Variants in AUH observed in about 807,000 individuals in gnomAD.
AUH encodes the protein AU RNA binding methylglutaconyl-CoA hydratase, also known as methylglutaconyl-CoA hydratase, mitochondrial.
AUH carries 29 observed loss-of-function variants against 42.3 expected under a neutral mutation model. The ratio of observed to expected loss-of-function variants is 0.69; its 90% CI spans 0.51 to 0.93. The LOEUF is 0.93. Among genes scored for constraint, AUH ranks in the 40% least tolerant of loss-of-function variants. AUH has a pLI of 0.00. For missense variants in AUH, 452 were observed against 438.1 expected (o/e 1.03, Z -0.28); for synonymous variants, 174 against 166.4 (o/e 1.05, Z -0.35).
chr9:91,335,657 A>G (rs559667702), intron 3 of AUH, among the ~76,000 whole-genome samples: 1 of 152,260 alleles, frequency 6.6e-6, no homozygotes, highest in East Asian at 1.9e-4. Flanking sequence ...TCTTTCCTGA[A>G]GTCCAACCTT....
intron 9 of AUH, among the ~76,000 whole-genome samples, chr9:91,215,417 T>C (rs1826765130): frequency 6.6e-6 from 1 of 152,302 alleles, no homozygotes; most frequent in East Asian, 1.9e-4. Flanking sequence ...CTCTAGATTA[T>C]TTATAATACC....
At chr9:91,294,278 G>A (rs1048005712) in intron 6 of AUH, among the ~76,000 whole-genome samples, 2 of 152,178 alleles carry the variant, frequency 1.3e-5, no homozygotes, top group Non-Finnish European at 2.9e-5. Context: ...GGCTGGGCGT[G>A]GTGGCTCACG....
At chr9:91,242,954 G>T (rs991248803) in intron 6 of AUH, among the ~76,000 whole-genome samples, 1 of 152,162 alleles carries the variant, frequency 6.6e-6, no homozygotes, top group African/African-American at 2.4e-5. Flanking sequence ...AAAATTTAAA[G>T]ATTCTGGGCA....
At chr9:91,346,860 T>TA (rs79801569) in intron 3 of AUH, among the ~76,000 whole-genome samples, 3,513 of 130,300 alleles carry the variant, frequency 0.027, 105 homozygotes, top group African/African-American at 0.071. Context: ...ACTCAGAATT[T>TA]AAAAAAAAAA....
intron 6 of AUH, among the ~76,000 whole-genome samples, chr9:91,225,766 T>C (rs545679171): frequency 3.4e-5 from 5 of 146,616 alleles, no homozygotes; most frequent in African/African-American, 7.5e-5. Flanking sequence ...CGTGGTCTCA[T>C]TGTTCAATTC....
intron 4 of AUH, among the ~76,000 whole-genome samples, chr9:91,299,344 G>T (rs1276142734): frequency 6.6e-6 from 1 of 152,188 alleles, no homozygotes; most frequent in Non-Finnish European, 1.5e-5. Flanking sequence ...CAAATTTGCT[G>T]AAGTACACTG....
intron 6 of AUH, among the ~76,000 whole-genome samples, chr9:91,279,130 G>A (rs1409389827): frequency 6.6e-6 from 1 of 152,076 alleles, no homozygotes; most frequent in Non-Finnish European, 1.5e-5. Flanking sequence ...TAATAAAGCT[G>A]TTAAAGATAT....
At chr9:91,350,758 CA>C (rs145346338) in intron 3 of AUH, among the ~76,000 whole-genome samples, 30,857 of 125,004 alleles carry the variant, frequency 0.25, 3,263 homozygotes, top group East Asian at 0.36. Flanking sequence ...GATTTCATCT[CA>C]AAAAAAAAAA....
chr9:91,236,648 G>A (rs945073095), intron 6 of AUH, among the ~76,000 whole-genome samples: 2 of 152,182 alleles, frequency 1.3e-5, no homozygotes, highest in African/African-American at 2.4e-5. Flanking sequence ...CAGAGCAGGT[G>A]TGCATAACTG....
chr9:91,231,584 AAC>A (rs1213805835), intron 6 of AUH, among the ~76,000 whole-genome samples: 1 of 152,172 alleles, frequency 6.6e-6, no homozygotes, highest in African/African-American at 2.4e-5. Flanking sequence ...GCCACTTCTA[AAC>A]AGTCTTGGTG....
intron 3 of AUH, among the ~76,000 whole-genome samples, chr9:91,343,806 C>G (rs1205393252): frequency 6.6e-6 from 1 of 152,150 alleles, no homozygotes; most frequent in Non-Finnish European, 1.5e-5. Flanking sequence ...ATAATATGAA[C>G]AATTTTATGG....
intron 5 of AUH, 26 bp from the exon 6 acceptor site, chr9:91,296,103 T>C: frequency 6.2e-7 from 1 of 1,601,486 alleles, no homozygotes; most frequent in Non-Finnish European, 8.6e-7. Context: ...GAAAATTAAG[T>C]ATCATCCATA....
chr9:91,291,065 T>C (rs1826836043), intron 6 of AUH, among the ~76,000 whole-genome samples: 1 of 152,198 alleles, frequency 6.6e-6, no homozygotes, highest in Admixed American at 6.6e-5. Flanking sequence ...TCCATGCCTC[T>C]CACCCATGGC....
intron 6 of AUH, among the ~76,000 whole-genome samples, chr9:91,245,399 C>G (rs1291660548): frequency 1.3e-5 from 2 of 152,202 alleles, no homozygotes; most frequent in Non-Finnish European, 2.9e-5. Flanking sequence ...CAAGGCCCCA[C>G]TTCTCAGCAG....
At chr9:91,356,023 T>C (rs2132083227) in intron 2 of AUH, 53 bp from the exon 3 acceptor site, 1 of 1,595,110 alleles carries the variant, frequency 6.3e-7, no homozygotes, top group East Asian at 2.2e-5. Flanking sequence ...AAACAAAACA[T>C]TTTTACATTG....
At chr9:91,294,068 C>T (rs1361885499) in intron 6 of AUH, among the ~76,000 whole-genome samples, 1 of 152,132 alleles carries the variant, frequency 6.6e-6, no homozygotes, top group Non-Finnish European at 1.5e-5. Flanking sequence ...ATACTAAAGC[C>T]CACTGCTGAG....
rs143323064 is a variant in AUH at position 91,293,744 on chromosome 9, T to C, written c.655+2277A>G. Among the ~76,000 whole-genome samples the C allele has an allele frequency of 2.6e-5, 4 of 152,338 alleles. No individual in the cohort carries two copies. The East Asian group carries it at 5.8e-4, about 22-fold the overall frequency. On this transcript the variant is annotated intron_variant, in intron 6 of 9. Coordinates refer to ENST00000375731, the MANE Select transcript of AUH (RefSeq NM_001698.3). ...CAGAAGATCTAGCTAAGATCACTGA[T>C]GAAGGTGCCTACACTGAATAACACA... is the stretch of plus-strand genomic sequence containing the variant.
chr9:91,218,948 T>G (rs1050536504), intron 7 of AUH: 1 of 985,232 alleles, frequency 1.0e-6, no homozygotes, highest in South Asian at 4.7e-5. Context: ...CATCTTCTTA[T>G]TTGTTTGACC....
rs146414251 is a variant in AUH at position 91,253,117 on chromosome 9, G to C, written c.656-32125C>G. 4.0e-3 allele frequency among the ~76,000 whole-genome samples: 606 copies of C among 152,288 alleles called. 5 individuals are homozygous for C. Among genetic ancestry groups the C allele is most frequent in the Middle Eastern group, 0.014 (4 of 294 alleles). On this transcript the variant is annotated intron_variant, in intron 6 of 9. Transcript: ENST00000375731. The stretch of plus-strand genomic sequence containing the variant: ...TCTACAATAATCTTTCATAAATACA[G>C]AATGAAAAGTAAGCTCGTACCTAAT...
Sources: allele counts gnomAD v4.1 joint callset (sites outside exome capture counted in the v4.1 genomes callset), GRCh38; gene constraint gnomAD v4.1.1; transcripts MANE v1.5; gene names NCBI Gene and HGNC (gene_info 2026-07-23, HGNC 2026-07-21).